Variants in PICALM observed in about 807,000 individuals in gnomAD.
PICALM encodes phosphatidylinositol binding clathrin assembly protein, also known as phosphatidylinositol-binding clathrin assembly protein.
Under a neutral mutation model 80.5 loss-of-function variants are expected in PICALM, and 40 were observed. The observed-to-expected ratio is 0.50, with a 90% confidence interval of 0.39 to 0.65. The LOEUF is 0.65. Among genes scored for constraint, PICALM ranks in the 30% least tolerant of loss-of-function variants. The pLI is 0.00. For missense variants in PICALM, 676 were observed against 778.9 expected, an observed-to-expected ratio of 0.87 and a Z score of 1.57; for synonymous variants, 288 against 260.3, an observed-to-expected ratio of 1.11 and a Z score of -1.02.
rs150929697 is a variant in PICALM, at chr11:86,026,921, T to C, written c.274-554A>G. ...GGTGAGTACTTTTCTGAAACAGGTATACGTTACTTTCACACAGGTTTTCAC... is the reference window on the plus strand; with the variant it reads ...GGTGAGTACTTTTCTGAAACAGGTACACGTTACTTTCACACAGGTTTTCAC... On this transcript the variant is annotated intron_variant, in intron 2 of 19. Coordinates refer to ENST00000393346, the MANE Select transcript of PICALM (RefSeq NM_007166.4). 3.3e-4 allele frequency among the ~76,000 whole-genome samples: 50 copies of C among 152,340 alleles called. No individual in the cohort carries two copies. The East Asian group carries it at 9.1e-3, about 28-fold the overall frequency.
intron 2 of PICALM, among the ~76,000 whole-genome samples, chr11:86,027,097 T>C (rs1383901169): frequency 1.3e-5 from 2 of 152,262 alleles, no homozygotes; most frequent in Admixed American, 1.3e-4. Context: ...TCTTAAATGA[T>C]GTTCTAATAT....
chr11:86,005,840 A>G (rs75451363), intron 8 of PICALM, among the ~76,000 whole-genome samples: 2,182 of 152,106 alleles, frequency 0.014, 54 homozygotes, highest in African/African-American at 0.05. Flanking sequence ...CATCGTCCCT[A>G]AAGTGTAAAT....
intron 13 of PICALM, among the ~76,000 whole-genome samples, chr11:85,985,538 T>C (rs994224015): frequency 8.5e-5 from 13 of 152,162 alleles, no homozygotes; most frequent in Admixed American, 2.6e-4. Flanking sequence ...AAATACGAAA[T>C]AATTTAGTAT....
Position 86,011,064 on chromosome 11 carries a change from A to T in PICALM, c.731T>A (p.Met244Lys). 6.4e-7 allele frequency: 1 copy of T among 1,556,536 alleles called. No homozygotes were observed. ...TTTGAGGAACTCTGAGATTCTTGTC[A>T]TCCTAGTTAGGAACTTCTTATAGAT... ...LDIYKKFLTRMTRISEFLKVA... is the reference protein window; with the variant it reads ...LDIYKKFLTRKTRISEFLKVA... Residue 244 changes from methionine (M) to lysine (K), a missense_variant, in exon 7 of 20, where the codon ATG (methionine) becomes AAG (lysine). By Grantham distance (95) the Met-to-Lys change is moderately conservative. This residue lies in a region of PICALM where 285 missense variants were observed against 395.4 expected (regional missense o/e 0.72). Coordinates refer to ENST00000393346, the MANE Select transcript of PICALM (RefSeq NM_007166.4).
intron 1 of PICALM, among the ~76,000 whole-genome samples, chr11:86,036,675 T>C (rs951942602): frequency 3.9e-5 from 6 of 152,146 alleles, no homozygotes; most frequent in Non-Finnish European, 7.3e-5. Flanking sequence ...CACTACAGTC[T>C]GACTATGAAA....
intron 1 of PICALM, 122 bp from the exon 2 acceptor site, chr11:86,031,733 T>C: frequency 1.5e-6 from 1 of 687,068 alleles, no homozygotes; most frequent in South Asian, 2.1e-5. Context: ...AGTTTGGAGA[T>C]GTTGTTAAAA....
At chr11:86,054,271 C>G (rs1727108279) in intron 1 of PICALM, among the ~76,000 whole-genome samples, 1 of 152,194 alleles carries the variant, frequency 6.6e-6, no homozygotes, top group Non-Finnish European at 1.5e-5. Context: ...TCTCAACAAC[C>G]TCACTACAAA....
rs528067891 is a variant in PICALM at position 86,040,177 on chromosome 11, A to T, written c.131-8566T>A. On this transcript the variant is annotated intron_variant, in intron 1 of 19. Coordinates refer to ENST00000393346, the MANE Select transcript of PICALM (RefSeq NM_007166.4). ...CTAATGTAAATTAGAAAGATCTTAC[A>T]CAAAAGGAAAGATGTTATATAACTT... is the stretch of plus-strand genomic sequence containing the variant. Among the ~76,000 whole-genome samples the T allele has an allele frequency of 2.9e-4, 44 of 152,240 alleles. No homozygotes were observed. In the South Asian group the frequency reaches 6.4e-3, roughly 22 times the overall value.
chr11:85,963,966 G>A (rs12283400), intron 19 of PICALM, among the ~76,000 whole-genome samples: 4,191 of 111,476 alleles, frequency 0.038, 225 homozygotes, highest in African/African-American at 0.13. Context: ...GTCTTGCAAT[G>A]TTGTACAGGC....
At chr11:85,978,201 A>T in intron 17 of PICALM, 1 of 854,282 alleles carries the variant, frequency 1.2e-6, no homozygotes, top group South Asian at 1.4e-5. Context: ...ATGTACATTC[A>T]CTAACTACCT....
At chr11:85,961,596 C>G (rs2093690152) in intron 19 of PICALM, among the ~76,000 whole-genome samples, 1 of 152,180 alleles carries the variant, frequency 6.6e-6, no homozygotes, top group South Asian at 2.1e-4. Flanking sequence ...TACATGTATC[C>G]TTCATTAAGC....
chr11:86,068,255 T>G (rs2509608), intron 1 of PICALM, among the ~76,000 whole-genome samples: 124,491 of 152,136 alleles, frequency 0.82, 51,140 homozygotes, highest in African/African-American at 0.89. Context: ...CAATGGGGCT[T>G]GGAGACGCTC....
At chr11:85,995,015 T>C (rs1353713847) in intron 12 of PICALM, among the ~76,000 whole-genome samples, 2 of 152,232 alleles carry the variant, frequency 1.3e-5, no homozygotes, top group Non-Finnish European at 2.9e-5. Context: ...TATATGAGAT[T>C]TCTTTATTTC....
chr11:86,011,851 G>GTTTT (rs71040204), intron 6 of PICALM, among the ~76,000 whole-genome samples: 4 of 132,974 alleles, frequency 3.0e-5, no homozygotes, highest in Non-Finnish European at 3.2e-5. Context: ...TATCCTTTTT[G>GTTTT]TTTTTTTTTT....
At chr11:85,994,048 T>C (rs927967334) in intron 12 of PICALM, among the ~76,000 whole-genome samples, 1 of 152,194 alleles carries the variant, frequency 6.6e-6, no homozygotes, top group African/African-American at 2.4e-5. Context: ...ATCAAGTGTT[T>C]TGTGTTTCAT....
At chr11:86,022,661 T>C (rs187642074) in intron 3 of PICALM, among the ~76,000 whole-genome samples, 192 bp from the exon 4 acceptor site, 6 of 152,210 alleles carry the variant, frequency 3.9e-5, no homozygotes, top group African/African-American at 1.2e-4. Flanking sequence ...TCTTAAGGCT[T>C]CATATTTAAA....
intron 1 of PICALM, among the ~76,000 whole-genome samples, chr11:86,033,284 A>G (rs1255464527): frequency 6.6e-6 from 1 of 152,190 alleles, no homozygotes; most frequent in Non-Finnish European, 1.5e-5. Context: ...GTGTGTATAT[A>G]TATATACTGT....
intron 1 of PICALM, among the ~76,000 whole-genome samples, chr11:86,063,201 G>A (rs536402424): frequency 2.0e-5 from 3 of 152,254 alleles, no homozygotes; most frequent in African/African-American, 7.2e-5. Context: ...TAAACAATCA[G>A]TGTTTTTTAA....
At chr11:86,041,355 T>G (rs1167062029) in intron 1 of PICALM, among the ~76,000 whole-genome samples, 1 of 152,188 alleles carries the variant, frequency 6.6e-6, no homozygotes, top group African/African-American at 2.4e-5. Context: ...TTTTCAAGTT[T>G]ATACCACCCC....
Sources: gnomAD v4.1 joint callset for allele counts (sites outside exome capture counted in the v4.1 genomes callset) on GRCh38, gnomAD v4.1.1 for gene constraint, gnomAD v4.1.1 regional missense constraint, MANE v1.5 for transcripts, NCBI Gene and HGNC (gene_info 2026-07-23, HGNC 2026-07-21) for gene names.